The following TTC7B variants were observed in gnomAD, a reference collection of about 807,000 sequenced individuals.
The protein encoded by TTC7B is tetratricopeptide repeat protein 7B.
A neutral mutation model predicts 106.8 loss-of-function variants in TTC7B; 28 were observed. That is an observed-to-expected ratio of 0.26 (90% CI 0.19 to 0.36). The LOEUF (loss-of-function observed/expected upper bound fraction) is 0.36. Among genes scored for constraint, TTC7B ranks in the 10% least tolerant of loss-of-function variants. TTC7B has a pLI of 1.00. For synonymous variants in TTC7B, 405 were observed against 430.6 expected (o/e 0.94, Z 0.74); for missense variants, 862 against 1,076.4 (o/e 0.80, Z 2.79).
rs560321017 is a variant in TTC7B, at chr14:90,568,743, ATGT to A, written c.2310+9360_2310+9362del. Among the ~76,000 whole-genome samples the A allele has an allele frequency of 3.2e-3, 480 of 152,286 alleles. 4 individuals carry two copies. The highest frequency in any genetic ancestry group is 3.7e-3 in the Non-Finnish European group (252 of 68,022). On this transcript the variant is annotated intron_variant, in intron 19 of 19. Transcript: ENST00000328459. The stretch of plus-strand genomic sequence containing the variant: ...GCAGAGACTATCCCTGTGCCAAATG[ATGT>A]TGTTTTGAGCAGGAGGGTTGCTGGG...
At chr14:90,665,513 G>A (rs1076958) in intron 9 of TTC7B, among the ~76,000 whole-genome samples, 34,559 of 152,188 alleles carry the variant, frequency 0.23, 4,213 homozygotes, top group Non-Finnish European at 0.28. Context: ...ACAAAGCCCA[G>A]TTACACAAAC....
At position 90,608,513 on chromosome 14, in the gene TTC7B, C is replaced by T. The variant is rs61247966; in HGVS notation, c.1966+2229G>A. Among the ~76,000 whole-genome samples, 3,495 of 152,152 alleles carry T rather than the reference C, an allele frequency of 0.023. 128 individuals carry two copies. The highest frequency in any genetic ancestry group is 0.08 in the African/African-American group (3,333 of 41,476). On this transcript the variant is annotated intron_variant, in intron 17 of 19. Coordinates refer to ENST00000328459, the MANE Select transcript of TTC7B (RefSeq NM_001010854.2). The surrounding 1 kb of genome is among the most constrained non-coding windows in gnomAD (Gnocchi z 5.1). ...CTGTTGTTGAGGAAGGGCATAGGAGCCCGCGGTCCTGACTCCAAACACCTA... is the reference window on the plus strand; with the variant it reads ...CTGTTGTTGAGGAAGGGCATAGGAGTCCGCGGTCCTGACTCCAAACACCTA...
chr14:90,812,984 G>A (rs953309442), intron 1 of TTC7B, among the ~76,000 whole-genome samples: 20 of 152,172 alleles, frequency 1.3e-4, no homozygotes, highest in African/African-American at 4.8e-4. Context: ...ACAAGTGGGA[G>A]CTTTGGGAAG....
At chr14:90,731,577 T>C (rs769204772) in intron 4 of TTC7B, among the ~76,000 whole-genome samples, 14 of 152,176 alleles carry the variant, frequency 9.2e-5, no homozygotes, top group African/African-American at 3.1e-4. Flanking sequence ...CAGCATCTTA[T>C]AGAAATTGCC....
intron 3 of TTC7B, among the ~76,000 whole-genome samples, chr14:90,761,619 G>C (rs913789521): frequency 1.3e-5 from 2 of 152,210 alleles, no homozygotes; most frequent in African/African-American, 2.4e-5. Context: ...GCAATGCCCT[G>C]GTCTCAGTGA....
In TTC7B at chr14:90,654,850, C is replaced by G. The variant is rs1595250206; in HGVS notation, c.1459+143G>C. The G allele has an allele frequency of 2.3e-5, 15 of 646,104 alleles. No homozygotes were observed. In the East Asian group the frequency reaches 4.1e-4, roughly 18 times the overall value. 40.0% of individuals were successfully genotyped at this position (646,104 alleles called of 1,614,324 possible). A position where few individuals can be genotyped will look rare whatever the true frequency, so the allele number is the denominator to read the frequency against. On this transcript the variant is annotated intron_variant, in intron 12 of 19. Transcript: ENST00000328459. ...GACCAAGCAAAGAGGACAGCAGCAC[C>G]AGGGGCCCCACCGGATGGCACACCA...
intron 3 of TTC7B, among the ~76,000 whole-genome samples, chr14:90,747,694 C>T (rs922487205): frequency 1.3e-5 from 2 of 152,206 alleles, no homozygotes; most frequent in African/African-American, 4.8e-5. Context: ...CATCTGTCCA[C>T]TTGTTTTATC....
At chr14:90,738,951 C>A (rs960492176) in intron 4 of TTC7B, among the ~76,000 whole-genome samples, 1 of 152,042 alleles carries the variant, frequency 6.6e-6, no homozygotes, top group Non-Finnish European at 1.5e-5. Flanking sequence ...CTTCGGCCTG[C>A]GAGGTTAAAG....
intron 5 of TTC7B, among the ~76,000 whole-genome samples, chr14:90,703,814 T>G (rs1023889807): frequency 2.0e-5 from 3 of 152,224 alleles, no homozygotes; most frequent in Admixed American, 1.3e-4. Flanking sequence ...AACAAAGCAG[T>G]GCTGCTCAGT....
At chr14:90,765,867 A>G (rs1269561135) in intron 3 of TTC7B, among the ~76,000 whole-genome samples, 1 of 152,180 alleles carries the variant, frequency 6.6e-6, no homozygotes, top group Non-Finnish European at 1.5e-5. Flanking sequence ...ACCTCCCTTC[A>G]TTATTGCAAG....
At chr14:90,604,560 T>C (rs1231090358) in intron 17 of TTC7B, among the ~76,000 whole-genome samples, 3 of 152,192 alleles carry the variant, frequency 2.0e-5, no homozygotes, top group East Asian at 1.9e-4. Context: ...ACATTAGAGA[T>C]AGTGGTTCTT....
chr14:90,550,309 C>T (rs755760115), intron 19 of TTC7B, among the ~76,000 whole-genome samples: 10 of 152,126 alleles, frequency 6.6e-5, no homozygotes, highest in African/African-American at 1.7e-4. Flanking sequence ...TGTATAGGAC[C>T]GAACTGTAAT....
At chr14:90,791,118 C>T (rs542362191) in intron 1 of TTC7B, among the ~76,000 whole-genome samples, 1 of 152,254 alleles carries the variant, frequency 6.6e-6, no homozygotes, top group South Asian at 2.1e-4. Flanking sequence ...CCAAGTGTCA[C>T]ATGTGCCACC....
intron 3 of TTC7B, 65 bp from the exon 4 acceptor site, chr14:90,744,987 T>C: frequency 1.3e-6 from 2 of 1,548,112 alleles, no homozygotes; most frequent in Admixed American, 1.7e-5. Context: ...TTTTTAAATA[T>C]TGCTCTAGAG....
intron 18 of TTC7B, among the ~76,000 whole-genome samples, chr14:90,584,314 G>C (rs149241938): frequency 1.3e-5 from 2 of 152,176 alleles, no homozygotes; most frequent in Non-Finnish European, 2.9e-5. Context: ...TAGTTTCCTC[G>C]TTCATTCATT....
At chr14:90,718,083 C>T (rs1432700530) in intron 5 of TTC7B, among the ~76,000 whole-genome samples, 1 of 152,258 alleles carries the variant, frequency 6.6e-6, no homozygotes, top group East Asian at 1.9e-4. Flanking sequence ...CACACTTAAA[C>T]TCTCTTGTGG....
intron 19 of TTC7B, among the ~76,000 whole-genome samples, chr14:90,542,486 C>T (rs965689911): frequency 5.3e-5 from 8 of 152,140 alleles, no homozygotes; most frequent in African/African-American, 1.9e-4. Flanking sequence ...TGCGTGTACT[C>T]GCTCATCCAA....
At chr14:90,676,755 G>A (rs755741546) in intron 8 of TTC7B, 95 bp from the exon 9 acceptor site, 67 of 1,371,644 alleles carry the variant, frequency 4.9e-5, no homozygotes, top group South Asian at 1.6e-4. Flanking sequence ...ACCAATTTGC[G>A]AAGGGAATGG....
At chr14:90,631,408 ATTT>A (rs752394881) in intron 15 of TTC7B, among the ~76,000 whole-genome samples, 6 of 133,614 alleles carry the variant, frequency 4.5e-5, no homozygotes, top group African/African-American at 5.5e-5. Context: ...GTCTGCACCA[ATTT>A]TTTTTTTTTT....
Sources: allele counts gnomAD v4.1 joint callset (sites outside exome capture counted in the v4.1 genomes callset), GRCh38; gene constraint gnomAD v4.1.1; non-coding constraint Gnocchi (gnomAD v3.1); transcripts MANE v1.5; gene names NCBI Gene and HGNC (gene_info 2026-07-23, HGNC 2026-07-21).